FAM184A: variants seen among roughly 807,000 people sequenced by gnomAD.
FAM184A encodes protein FAM184A.
FAM184A carries 99 observed loss-of-function variants against 143.8 expected under a neutral mutation model. The observed-to-expected ratio is 0.69, with a 90% CI of 0.58 to 0.81. FAM184A has a LOEUF of 0.81. Among genes scored for constraint, FAM184A ranks in the 40% least tolerant of loss-of-function variants. The pLI is 0.00. For missense variants in FAM184A, 1,217 were observed against 1,310.5 expected, an observed-to-expected ratio of 0.93 and a Z score of 1.10; for synonymous variants, 427 against 446.4, an observed-to-expected ratio of 0.96 and a Z score of 0.55.
chr6:118,990,647 C>T (rs1181666136), intron 9 of FAM184A, among the ~76,000 whole-genome samples: 1 of 151,770 alleles, frequency 6.6e-6, no homozygotes, highest in Non-Finnish European at 1.5e-5. Context: ...AGGTGGATCA[C>T]TTGAGGTCAG....
At chr6:119,012,715 G>A (rs148155231) in intron 5 of FAM184A, among the ~76,000 whole-genome samples, 1,942 of 152,296 alleles carry the variant, frequency 0.013, 28 homozygotes, top group Non-Finnish European at 0.018. Context: ...CACATTGGCT[G>A]TGTGGTTAGG....
chr6:119,076,727 T>G (rs1361771058), intron 1 of FAM184A, among the ~76,000 whole-genome samples: 1 of 152,202 alleles, frequency 6.6e-6, no homozygotes. Context: ...TTCACGTGCT[T>G]CATTCAGGAC....
In FAM184A at chr6:119,002,925, T is replaced by A; in HGVS notation, c.2062A>T (p.Lys688Ter). ...EKNAARDSWQ[K>*]KVEDLLNQIS... Reference sequence around the variant, plus strand: ...TGGTTTAAGAGATCTTCTACTTTCTTCTGCCATGAATCTCTTGCTGCATTT... The same window carrying A: ...TGGTTTAAGAGATCTTCTACTTTCTACTGCCATGAATCTCTTGCTGCATTT... The change falls in exon 9 of 18, where the codon AAG becomes TAG. Residue 688 changes from lysine to a stop codon, truncating the protein, a stop_gained. Transcript: ENST00000338891. LOFTEE classifies it high-confidence loss of function. 6.2e-7 allele frequency: 1 copy of A among 1,611,738 alleles called. No homozygotes were observed. Among genetic ancestry groups the A allele is most frequent in the Non-Finnish European group, 8.5e-7 (1 of 1,179,334 alleles).
At chr6:119,057,881 G>A (rs1787054858) in intron 1 of FAM184A, 1 of 146,318 alleles carries the variant, frequency 6.8e-6, no homozygotes. Flanking sequence ...GTTTGTGGTG[G>A]CTGCTCTGAT....
chr6:119,097,381 A>G (rs1167280609), intron 1 of FAM184A, among the ~76,000 whole-genome samples: 1 of 152,200 alleles, frequency 6.6e-6, no homozygotes, highest in Non-Finnish European at 1.5e-5. Flanking sequence ...TCACAAACAC[A>G]TGCTTGTAAA....
intron 1 of FAM184A, among the ~76,000 whole-genome samples, chr6:119,072,373 C>T (rs1159992811): frequency 6.6e-6 from 1 of 152,216 alleles, no homozygotes. Flanking sequence ...AAAAGAGATG[C>T]TGCATTTGGC....
At chr6:119,047,624 T>C (rs958472248) in intron 1 of FAM184A, among the ~76,000 whole-genome samples, 2 of 151,976 alleles carry the variant, frequency 1.3e-5, no homozygotes, top group African/African-American at 4.8e-5. Context: ...CTAGAAAACC[T>C]AGAAGAGATG....
In FAM184A at chr6:119,003,496, T is replaced by A. The variant is rs889383633; in HGVS notation, c.1937+5A>T. 16 of 1,609,660 alleles carry A rather than the reference T, an allele frequency of 9.9e-6. No individual in the cohort carries two copies. The African/African-American group carries it at 2.0e-4, about 20-fold the overall frequency. ...ATTGATAAGATTACAGAATAAAAAA[T>A]GTACCTAAGATTTTCAGTCCACTTA... On this transcript the variant is annotated splice_donor_5th_base_variant and intron_variant, in intron 8 of 17. Coordinates refer to ENST00000338891, the MANE Select transcript of FAM184A (RefSeq NM_024581.6).
At chr6:118,966,801 C>T (rs1027370941) in intron 15 of FAM184A, 34 bp downstream of exon 15, 1 of 1,023,478 alleles carries the variant, frequency 9.8e-7, no homozygotes, top group Non-Finnish European at 1.5e-6. Context: ...CTATTGATTA[C>T]TAACATGGTT....
chr6:119,009,304 TC>T, intron 6 of FAM184A, among the ~76,000 whole-genome samples: 1 of 152,298 alleles, frequency 6.6e-6, no homozygotes, highest in Admixed American at 6.5e-5. Flanking sequence ...CTCCCACAAT[TC>T]CCATATGTTG....
Position 119,002,933 on chromosome 6 carries a change from G to A in FAM184A, c.2054C>T (p.Ser685Leu), listed in dbSNP as rs1784807624. The A allele has an allele frequency of 6.2e-7, 1 of 1,612,088 alleles. No individual in the cohort carries two copies. Among genetic ancestry groups the A allele is most frequent in the Non-Finnish European group, 8.5e-7 (1 of 1,179,426 alleles). ...KDREKNAARD[S>L]WQKKVEDLLN... ...GAGATCTTCTACTTTCTTCTGCCAT[G>A]AATCTCTTGCTGCATTTTTCTCTCG... The change falls in exon 9 of 18, where the codon TCA becomes TTA. Residue 685 changes from serine to leucine, a missense_variant. By Grantham distance (145) the Ser-to-Leu change is moderately radical (BLOSUM62 -2). Coordinates refer to ENST00000338891, the MANE Select transcript of FAM184A (RefSeq NM_024581.6).
intron 1 of FAM184A, among the ~76,000 whole-genome samples, chr6:119,051,873 C>T (rs983913167): frequency 5.9e-5 from 9 of 152,076 alleles, no homozygotes; most frequent in Non-Finnish European, 1.2e-4. Flanking sequence ...TTATTTTATG[C>T]AACAGAAAAT....
intron 7 of FAM184A, 57 bp downstream of exon 7, chr6:119,006,390 G>C (rs1418526645): frequency 6.4e-7 from 1 of 1,550,450 alleles, no homozygotes; most frequent in African/African-American, 1.4e-5. Flanking sequence ...AGGTCAAATG[G>C]CTAAATTCTA....
At chr6:119,055,640 C>A (rs1370268106) in intron 1 of FAM184A, among the ~76,000 whole-genome samples, 1 of 152,180 alleles carries the variant, frequency 6.6e-6, no homozygotes. Flanking sequence ...CTAATGACTA[C>A]TGATGGTGAC....
At chr6:119,043,798 C>T (rs1447329713) in intron 1 of FAM184A, among the ~76,000 whole-genome samples, 1 of 152,184 alleles carries the variant, frequency 6.6e-6, no homozygotes, top group Non-Finnish European at 1.5e-5. Context: ...GGTCTGCAAC[C>T]TGTTTTGTAA....
intron 1 of FAM184A, among the ~76,000 whole-genome samples, chr6:119,133,015 G>A (rs1436136312): frequency 6.6e-6 from 1 of 152,144 alleles, no homozygotes; most frequent in East Asian, 1.9e-4. Context: ...CTGGTTTGAG[G>A]CTTCTCACTG....
intron 5 of FAM184A, among the ~76,000 whole-genome samples, chr6:119,012,954 A>C (rs1246633432): frequency 2.0e-5 from 3 of 152,180 alleles, no homozygotes; most frequent in Non-Finnish European, 4.4e-5. Context: ...ATAATAAGAC[A>C]ATAGAAGTCG....
Position 119,078,186 on chromosome 6 carries a change from C to T in FAM184A, c.114G>A (p.Gln38=), listed in dbSNP as rs370600021. The change falls in exon 1 of 18, where the codon CAG becomes CAA. Residue 38 remains glutamine (Q), a synonymous_variant. Transcript: ENST00000338891. This position sits in a 1 kb window ranked among gnomAD's most constrained non-coding sequence, Gnocchi z 5.5. ...TCTTGCTCATTTTCAGGTGCATCTC[C>T]TGGCTGTAGTCCATGCTGTGCCCAG... ...QLAGHSMDYS[Q]EMHLKMSKKI... is the part of the protein sequence containing the mutation. 3.9e-3 allele frequency: 6,127 copies of T among 1,590,110 alleles called. 18 individuals are homozygous for T. Among genetic ancestry groups the T allele is most frequent in the Non-Finnish European group, 5.0e-3 (5,838 of 1,170,352 alleles).
intron 1 of FAM184A, among the ~76,000 whole-genome samples, chr6:119,115,048 T>G (rs1789021841): frequency 6.6e-6 from 1 of 152,216 alleles, no homozygotes; most frequent in African/African-American, 2.4e-5. Context: ...AAATATCTAT[T>G]CAAATCCTTT....
Sources: gnomAD v4.1 joint callset for allele counts (sites outside exome capture counted in the v4.1 genomes callset) on GRCh38, gnomAD v4.1.1 for gene constraint, Gnocchi (gnomAD v3.1) non-coding constraint, MANE v1.5 for transcripts, NCBI Gene and HGNC (gene_info 2026-07-23, HGNC 2026-07-21) for gene names.